SYBU: variants seen among roughly 807,000 people sequenced by gnomAD.
SYBU encodes the protein GOLSYN A protein.
A neutral mutation model predicts 35.9 loss-of-function variants in SYBU; 21 were observed. The observed-to-expected ratio is 0.58, with a 90% CI of 0.41 to 0.84. The LOEUF is 0.84. SYBU is among the 40% of genes least tolerant of loss of function. The pLI is 0.00. For synonymous variants in SYBU, 319 were observed against 324.3 expected (o/e 0.98, Z 0.18); for missense variants, 768 against 848.2 (o/e 0.91, Z 1.17).
chr8:109,654,654 T>C (rs1256219517), intron 1 of SYBU, among the ~76,000 whole-genome samples: 1 of 147,640 alleles, frequency 6.8e-6, no homozygotes, highest in Non-Finnish European at 1.5e-5. Flanking sequence ...TATCCCATAG[T>C]TAATTTGGAT....
intron 2 of SYBU, among the ~76,000 whole-genome samples, chr8:109,640,583 C>T (rs959624946): frequency 2.6e-5 from 4 of 152,116 alleles, no homozygotes; most frequent in African/African-American, 9.7e-5. Flanking sequence ...GCATTACATT[C>T]TGCAAATATG....
At chr8:109,592,158 A>C (rs1824354709) in intron 3 of SYBU, among the ~76,000 whole-genome samples, 1 of 152,202 alleles carries the variant, frequency 6.6e-6, no homozygotes, top group Non-Finnish European at 1.5e-5. Flanking sequence ...ATGGCTTCTC[A>C]AAAAAGGTCT....
chr8:109,608,081 G>A, intron 3 of SYBU: 2 of 777,150 alleles, frequency 2.6e-6, no homozygotes, highest in Non-Finnish European at 3.9e-6. Flanking sequence ...TGCATGTGCA[G>A]GGCAAGGAAG....
rs1396557684 is a variant in SYBU, at chr8:109,574,453, A to C, written c.*453T>G. 1 of 154,206 alleles carries C rather than the reference A, an allele frequency of 6.5e-6. No homozygotes were observed. The highest frequency in any genetic ancestry group is 1.4e-5 in the Non-Finnish European group (1 of 69,124). The allele number at this position is 154,206 out of a possible 1,614,324, so 9.6% of individuals were successfully genotyped here. A position where few individuals can be genotyped will look rare whatever the true frequency, so the allele number is the denominator to read the frequency against. On this transcript the variant is annotated 3_prime_UTR_variant, in exon 7 of 7. Coordinates refer to ENST00000276646, the MANE Select transcript of SYBU (RefSeq NM_001099754.2). Reference sequence around the variant, plus strand: ...GTAAAGAGCTATTCAAGACTTCTTCAAACCAATTACACAAATACATGTTTA... The same window carrying C: ...GTAAAGAGCTATTCAAGACTTCTTCCAACCAATTACACAAATACATGTTTA...
chr8:109,621,902 C>G (rs1812440716), intron 2 of SYBU, among the ~76,000 whole-genome samples: 1 of 152,130 alleles, frequency 6.6e-6, no homozygotes, highest in Non-Finnish European at 1.5e-5. Context: ...CCAGCAAAGG[C>G]ACAGAGCTTC....
At chr8:109,676,313 AG>A (rs1291062154) in intron 1 of SYBU, among the ~76,000 whole-genome samples, 13 of 152,180 alleles carry the variant, frequency 8.5e-5, no homozygotes, top group African/African-American at 3.1e-4. Context: ...AAAGAAATAA[AG>A]GGTATTCAAA....
chr8:109,602,135 T>G (rs903894460), intron 3 of SYBU, among the ~76,000 whole-genome samples: 18 of 152,114 alleles, frequency 1.2e-4, no homozygotes, highest in Non-Finnish European at 1.9e-4. Flanking sequence ...TCAAAATCAT[T>G]TGACACTCCA....
At chr8:109,644,871 G>GCA (rs1054476824), upstream of SYBU, 16 of 553,490 alleles carry the variant, frequency 2.9e-5, no homozygotes, top group African/African-American at 3.2e-4. Flanking sequence ...ACGTGGTGCC[G>GCA]CACTCGCTAG....
chr8:109,580,053 A>G, intron 4 of SYBU, 51 bp from the exon 5 acceptor site: 1 of 1,522,112 alleles, frequency 6.6e-7, no homozygotes, highest in Non-Finnish European at 9.1e-7. Flanking sequence ...ACAGATGCCC[A>G]AGGGCTAATG....
rs141987606 is a variant in SYBU, at chr8:109,619,489, A to G, written c.230-450T>C. 6.9e-3 allele frequency among the ~76,000 whole-genome samples: 1,043 copies of G among 152,222 alleles called. 14 individuals carry two copies. The highest frequency in any genetic ancestry group is 0.024 in the African/African-American group (1,003 of 41,528). On this transcript the variant is annotated intron_variant, in intron 2 of 6. Transcript: ENST00000276646. ...CGATCCATCTGCCTCAGCCTCCCAA[A>G]GTGCTGGGATTACAATCATGAGCTA...
chr8:109,615,536 A>G (rs1055726750), intron 3 of SYBU, among the ~76,000 whole-genome samples: 1 of 152,178 alleles, frequency 6.6e-6, no homozygotes, highest in African/African-American at 2.4e-5. Context: ...TACCGTACAG[A>G]ATTAGGTCGC....
chr8:109,691,376 G>A lies in SYBU; in HGVS notation c.-101C>T, dbSNP rs1265434850. The A allele has an allele frequency of 1.4e-5, 10 of 696,180 alleles. No individual in the cohort carries two copies. The highest frequency in any genetic ancestry group is 3.0e-5 in the South Asian group (2 of 66,814). 43.1% of individuals were successfully genotyped at this position (696,180 alleles called of 1,614,324 possible). ...GCCCCATCGCGCTGTCCAGGAGGAG[G>A]CACCTACGTGCGCCCGGGAGACCGG... On this transcript the variant is annotated 5_prime_UTR_variant, in exon 1 of 8. Transcript: ENST00000422135. This position sits in a 1 kb window ranked among gnomAD's most constrained non-coding sequence, Gnocchi z 4.7.
intron 1 of SYBU, among the ~76,000 whole-genome samples, chr8:109,655,326 G>A (rs200733415): frequency 5.3e-5 from 8 of 152,260 alleles, no homozygotes; most frequent in East Asian, 3.9e-4. Context: ...TTTCGGCTTC[G>A]AAAATACTTT....
chr8:109,671,980 C>T (rs542393720), intron 1 of SYBU, among the ~76,000 whole-genome samples: 1 of 152,256 alleles, frequency 6.6e-6, no homozygotes, highest in African/African-American at 2.4e-5. Flanking sequence ...CAGCTCATTG[C>T]AATCTCTGCC....
At chr8:109,634,700 G>A (rs1814018747) in intron 2 of SYBU, among the ~76,000 whole-genome samples, 1 of 152,102 alleles carries the variant, frequency 6.6e-6, no homozygotes, top group Non-Finnish European at 1.5e-5. Context: ...CACTTTGGGA[G>A]GCCAAAGCAA....
upstream of SYBU, chr8:109,645,924 G>GCT (rs1452728261): frequency 6.5e-6 from 1 of 153,282 alleles, no homozygotes; most frequent in Non-Finnish European, 1.5e-5. Context: ...AAAACAAACA[G>GCT]CTCTATCCAG....
chr8:109,612,199 G>T (rs566889833), intron 3 of SYBU, among the ~76,000 whole-genome samples: 1 of 152,098 alleles, frequency 6.6e-6, no homozygotes, highest in Non-Finnish European at 1.5e-5. Flanking sequence ...TCCCTTTCTT[G>T]CATTGATATT....
chr8:109,650,795 C>T (rs1816099100), intron 1 of SYBU, among the ~76,000 whole-genome samples: 1 of 152,014 alleles, frequency 6.6e-6, no homozygotes, highest in African/African-American at 2.4e-5. Flanking sequence ...AAAAAATATG[C>T]CTTTTTAAAA....
intron 2 of SYBU, among the ~76,000 whole-genome samples, chr8:109,628,583 TC>T (rs1276922520): frequency 6.6e-6 from 1 of 152,160 alleles, no homozygotes; most frequent in Non-Finnish European, 1.5e-5. Flanking sequence ...GCTCAAGTGA[TC>T]CTTCCACCTC....
Sources: gnomAD v4.1 joint callset for allele counts (sites outside exome capture counted in the v4.1 genomes callset) on GRCh38, gnomAD v4.1.1 for gene constraint, Gnocchi (gnomAD v3.1) non-coding constraint, MANE v1.5 for transcripts, NCBI Gene and HGNC (gene_info 2026-07-23, HGNC 2026-07-21) for gene names.